ZNF385D: variants seen among roughly 807,000 people sequenced by gnomAD.
The protein encoded by ZNF385D is zinc finger protein 659.
Under a neutral mutation model 35.8 loss-of-function variants are expected in ZNF385D, and 15 were observed. The observed-to-expected ratio is 0.42, with a 90% CI of 0.28 to 0.64. The LOEUF (loss-of-function observed/expected upper bound fraction) is 0.64. ZNF385D is among the 30% of genes least tolerant of loss of function. ZNF385D has a pLI of 0.23. For synonymous variants in ZNF385D, 212 were observed against 186.8 expected (o/e 1.13, Z -1.10); for missense variants, 474 against 494.6 (o/e 0.96, Z 0.39).
chr3:22,027,395 G>C (rs898651926), intron 3 of ZNF385D, among the ~76,000 whole-genome samples: 8 of 152,244 alleles, frequency 5.3e-5, no homozygotes, highest in Non-Finnish European at 1.2e-4. Context: ...TGATCCAGCA[G>C]ATCCAATAGT....
chr3:21,745,348 T>C (rs923256745), intron 1 of ZNF385D, among the ~76,000 whole-genome samples: 2 of 152,206 alleles, frequency 1.3e-5, no homozygotes, highest in African/African-American at 4.8e-5. Flanking sequence ...CTAATACAGG[T>C]TCATATGCAT....
Position 21,774,561 on chromosome 3 carries a change from T to A in ZNF385D, c.326-109533A>T, listed in dbSNP as rs1028945794. On this transcript the variant is annotated intron_variant, in intron 3 of 5. Coordinates refer to the ZNF385D transcript ENST00000494108. ...GGAGTAGAGTCTCTATTCCATGGAATCACAAAGCCCAAAGATTAGTCACAG... is the reference window on the plus strand; with the variant it reads ...GGAGTAGAGTCTCTATTCCATGGAAACACAAAGCCCAAAGATTAGTCACAG... 2.6e-5 allele frequency among the ~76,000 whole-genome samples: 4 copies of A among 151,792 alleles called. No homozygotes were observed. In the East Asian group the frequency reaches 7.8e-4, roughly 30 times the overall value.
chr3:22,081,244 G>T (rs896795046), intron 3 of ZNF385D, among the ~76,000 whole-genome samples: 2 of 151,942 alleles, frequency 1.3e-5, no homozygotes, highest in Non-Finnish European at 2.9e-5. Flanking sequence ...ATCTTATTTT[G>T]TATTTCATCC....
intron 2 of ZNF385D, among the ~76,000 whole-genome samples, chr3:22,223,747 T>A (rs1232472656): frequency 6.6e-6 from 1 of 152,154 alleles, no homozygotes; most frequent in Non-Finnish European, 1.5e-5. Context: ...ATAAGGTGAG[T>A]GGAACATTTT....
intron 3 of ZNF385D, among the ~76,000 whole-genome samples, chr3:22,162,836 A>T (rs529304838): frequency 1.3e-4 from 20 of 152,286 alleles, no homozygotes; most frequent in Middle Eastern, 3.4e-3. Flanking sequence ...TCAGAGAGAG[A>T]GGACAATTCT....
At chr3:22,162,361 TAGTAA>T (rs1248160482) in intron 3 of ZNF385D, among the ~76,000 whole-genome samples, 1 of 152,266 alleles carries the variant, frequency 6.6e-6, no homozygotes, top group South Asian at 2.1e-4. Flanking sequence ...AAATCTACAT[TAGTAA>T]AGTAAACAGC....
chr3:21,712,548 CT>C (rs1400539261), intron 1 of ZNF385D, among the ~76,000 whole-genome samples: 2 of 152,044 alleles, frequency 1.3e-5, no homozygotes, highest in African/African-American at 2.4e-5. Context: ...GAAAAGTAAA[CT>C]TTTTTTAAAA....
chr3:22,078,919 C>CA (rs1450660432), intron 3 of ZNF385D, among the ~76,000 whole-genome samples: 1 of 151,956 alleles, frequency 6.6e-6, no homozygotes, highest in Admixed American at 6.6e-5. Context: ...TATGCTTTGT[C>CA]AAAAAATGTG....
chr3:21,852,759 G>A lies in ZNF385D; in HGVS notation c.326-187731C>T, dbSNP rs1218111696. Among the ~76,000 whole-genome samples the A allele has an allele frequency of 2.0e-5, 3 of 151,882 alleles. No individual in the cohort carries two copies. In the East Asian group the frequency reaches 5.8e-4, roughly 29 times the overall value. On this transcript the variant is annotated intron_variant, in intron 3 of 5. Coordinates refer to the ZNF385D transcript ENST00000494108. ...TGATGAGTTACCTCAAGGGATAAAG[G>A]TCAGTACAAAATATATGAAACTTAA...
chr3:22,287,670 T>C (rs1420047645), intron 2 of ZNF385D, among the ~76,000 whole-genome samples: 1 of 152,030 alleles, frequency 6.6e-6, no homozygotes, highest in Non-Finnish European at 1.5e-5. Flanking sequence ...TTTTAGGTTT[T>C]TGATGACACA....
At chr3:21,850,206 G>C (rs1696298470) in intron 3 of ZNF385D, among the ~76,000 whole-genome samples, 1 of 152,086 alleles carries the variant, frequency 6.6e-6, no homozygotes, top group Non-Finnish European at 1.5e-5. Flanking sequence ...GCACATGATG[G>C]AAAAACTTGT....
chr3:21,592,638 C>A (rs182786887), intron 2 of ZNF385D, among the ~76,000 whole-genome samples: 1 of 151,698 alleles, frequency 6.6e-6, no homozygotes, highest in Non-Finnish European at 1.5e-5. Context: ...AATCTATCTG[C>A]AGTAAAGCTT....
At chr3:22,161,750 G>A (rs950517582) in intron 3 of ZNF385D, among the ~76,000 whole-genome samples, 2 of 152,122 alleles carry the variant, frequency 1.3e-5, no homozygotes, top group Non-Finnish European at 2.9e-5. Flanking sequence ...AGTTAGAGTT[G>A]TTGATGAAAA....
chr3:21,471,295 TCACA>T (rs151185506), intron 4 of ZNF385D, among the ~76,000 whole-genome samples: 2,104 of 86,146 alleles, frequency 0.024, 69 homozygotes, highest in African/African-American at 0.072. Context: ...TCTCTCTCTC[TCACA>T]CACACACACA....
rs145421516 is a variant in ZNF385D, at chr3:22,344,684, T to C, written c.106+27766A>G. Among the ~76,000 whole-genome samples, 189 of 152,210 alleles carry C rather than the reference T, an allele frequency of 1.2e-3. 2 individuals carry two copies. The highest frequency in any genetic ancestry group is 4.4e-3 in the African/African-American group (182 of 41,552). The stretch of plus-strand genomic sequence containing the variant: ...TGTTCTGCCTGCCTCTGTCTCCCAA[T>C]GTGCTAGGACTACAGGCATGAGCCA... On this transcript the variant is annotated intron_variant, in intron 2 of 5. Coordinates refer to the ZNF385D transcript ENST00000494108.
At chr3:22,349,186 T>C (rs557340253) in intron 2 of ZNF385D, among the ~76,000 whole-genome samples, 14 of 152,306 alleles carry the variant, frequency 9.2e-5, no homozygotes, top group Non-Finnish European at 1.9e-4. Context: ...TACCTGGCAC[T>C]CACTAAATGC....
At chr3:21,537,124 C>CTTTTTTTTTT (rs35873199) in intron 3 of ZNF385D, among the ~76,000 whole-genome samples, 3 of 95,010 alleles carry the variant, frequency 3.2e-5, no homozygotes, top group East Asian at 3.5e-4. Flanking sequence ...AAAATATCAA[C>CTTTTTTTTTT]TTTTTTTTTT....
chr3:21,683,572 G>T lies in ZNF385D; in HGVS notation c.23-18544C>A, dbSNP rs755611113. On this transcript the variant is annotated intron_variant, in intron 1 of 7. Transcript: ENST00000281523. ...GCGAAGGTTGCAGTGAGCCGAGATC[G>T]CACCACTGCACTCCAGCCTGGGTGA... Among the ~76,000 whole-genome samples, 12 of 149,204 alleles carry T rather than the reference G, an allele frequency of 8.0e-5. No individual in the cohort carries two copies. The Admixed American group carries it at 8.0e-4, about 10-fold the overall frequency.
At chr3:21,897,960 A>C (rs1053312508) in intron 3 of ZNF385D, among the ~76,000 whole-genome samples, 3 of 152,108 alleles carry the variant, frequency 2.0e-5, no homozygotes, top group African/African-American at 7.2e-5. Context: ...TCTAGCTTCC[A>C]CCTTTATATC....
Sources: allele counts gnomAD v4.1 joint callset (sites outside exome capture counted in the v4.1 genomes callset), GRCh38; gene constraint gnomAD v4.1.1; transcripts MANE v1.5; gene names NCBI Gene and HGNC (gene_info 2026-07-23, HGNC 2026-07-21).